The following CHCHD3 variants were observed in gnomAD, a reference collection of about 807,000 sequenced individuals.
CHCHD3 encodes coiled-coil-helix-coiled-coil-helix domain containing 3, also known as MICOS complex subunit MIC19.
CHCHD3 carries 20 observed loss-of-function variants against 38.2 expected under a neutral mutation model. That is an observed-to-expected ratio of 0.52 (90% CI 0.37 to 0.76). The LOEUF (loss-of-function observed/expected upper bound fraction) is 0.76. Among genes scored for constraint, CHCHD3 ranks in the 30% least tolerant of loss-of-function variants. The probability of loss-of-function intolerance (pLI) is 0.00; values close to 1 mark genes in which losing one functional copy is unlikely to be tolerated. For synonymous variants in CHCHD3, 82 were observed against 100.0 expected (o/e 0.82, Z 1.07); for missense variants, 245 against 279.2 (o/e 0.88, Z 0.87).
At chr7:132,953,326 T>G (rs1247887846) in intron 4 of CHCHD3, among the ~76,000 whole-genome samples, 1 of 152,104 alleles carries the variant, frequency 6.6e-6, no homozygotes, top group Non-Finnish European at 1.5e-5. Context: ...GGAGGCTCTA[T>G]TTCTCCCCAC....
intron 3 of CHCHD3, among the ~76,000 whole-genome samples, chr7:133,004,129 G>C (rs1175837735): frequency 1.3e-5 from 2 of 151,780 alleles, no homozygotes; most frequent in African/African-American, 4.8e-5. Flanking sequence ...TTTTGTTTTT[G>C]TTTTTGTTTT....
intron 6 of CHCHD3, among the ~76,000 whole-genome samples, chr7:132,824,266 G>C (rs919043219): frequency 3.3e-5 from 5 of 151,314 alleles, no homozygotes; most frequent in Non-Finnish European, 7.4e-5. Context: ...GACAATTATG[G>C]GGACCAGGGA....
intron 5 of CHCHD3, among the ~76,000 whole-genome samples, chr7:132,874,373 A>G (rs1413765982): frequency 6.6e-6 from 1 of 152,202 alleles, no homozygotes; most frequent in Non-Finnish European, 1.5e-5. Flanking sequence ...CTGCTTCCTC[A>G]CAAAAGAATA....
intron 1 of CHCHD3, among the ~76,000 whole-genome samples, chr7:133,078,961 T>C (rs1161902396): frequency 1.3e-5 from 2 of 152,198 alleles, no homozygotes; most frequent in Non-Finnish European, 2.9e-5. Context: ...CAATGGCTTA[T>C]GGACATACTG....
At position 133,081,920 on chromosome 7, in the gene CHCHD3, G is replaced by A. The variant is rs1039681130; in HGVS notation, c.18C>T (p.Ser6=). 9 of 1,555,906 alleles carry A rather than the reference G, an allele frequency of 5.8e-6. No homozygotes were observed. The highest frequency in any genetic ancestry group is 7.8e-6 in the Non-Finnish European group (9 of 1,149,832). The change falls in exon 1 of 8, where the codon AGC becomes AGT. Residue 6 remains serine, a synonymous_variant. Coordinates refer to ENST00000262570, the MANE Select transcript of CHCHD3 (RefSeq NM_017812.4). MGGTT[S]TRRVTFEADE... Reference sequence around the variant, plus strand: ...CCGCCTCGAAGGTGACCCGGCGGGTGCTGGTGGTCCCACCCATGATTCCGG... The same window carrying A: ...CCGCCTCGAAGGTGACCCGGCGGGTACTGGTGGTCCCACCCATGATTCCGG...
At chr7:132,863,808 T>C (rs1252031481) in intron 5 of CHCHD3, among the ~76,000 whole-genome samples, 1 of 152,210 alleles carries the variant, frequency 6.6e-6, no homozygotes, top group African/African-American at 2.4e-5. Flanking sequence ...ATGGCTGCTT[T>C]CCATAAACCT....
At chr7:132,800,994 C>G (rs541798308) in intron 6 of CHCHD3, among the ~76,000 whole-genome samples, 1 of 152,254 alleles carries the variant, frequency 6.6e-6, no homozygotes, top group South Asian at 2.1e-4. Context: ...TCCTATAGCA[C>G]AATGCAAAAA....
At chr7:132,895,545 C>T (rs1809472624) in intron 4 of CHCHD3, among the ~76,000 whole-genome samples, 1 of 152,342 alleles carries the variant, frequency 6.6e-6, no homozygotes, top group Non-Finnish European at 1.5e-5. Flanking sequence ...AATTGTAGCT[C>T]CCCTAATTCC....
intron 4 of CHCHD3, among the ~76,000 whole-genome samples, chr7:132,961,815 T>C (rs1434674443): frequency 2.6e-5 from 4 of 152,230 alleles, no homozygotes; most frequent in African/African-American, 9.6e-5. Context: ...GGCAACCACC[T>C]TTCTATTCTT....
intron 3 of CHCHD3, among the ~76,000 whole-genome samples, chr7:133,015,827 C>T (rs1813013822): frequency 6.6e-6 from 1 of 152,158 alleles, no homozygotes; most frequent in South Asian, 2.1e-4. Flanking sequence ...GCTCACGGTT[C>T]TACAGGCTGT....
At chr7:132,917,973 G>A (rs1471191286) in intron 4 of CHCHD3, among the ~76,000 whole-genome samples, 1 of 151,826 alleles carries the variant, frequency 6.6e-6, no homozygotes, top group Non-Finnish European at 1.5e-5. Flanking sequence ...AGGTATGTGA[G>A]CAAACAAAAG....
intron 3 of CHCHD3, among the ~76,000 whole-genome samples, chr7:132,999,333 T>C (rs1584632635): frequency 6.6e-6 from 1 of 152,222 alleles, no homozygotes; most frequent in Non-Finnish European, 1.5e-5. Context: ...ACACTCTATG[T>C]CAAATGATTA....
At chr7:132,990,791 A>G (rs955896987) in intron 3 of CHCHD3, among the ~76,000 whole-genome samples, 1 of 152,152 alleles carries the variant, frequency 6.6e-6, no homozygotes, top group African/African-American at 2.4e-5. Context: ...AGCCCTATGG[A>G]GGAAAACAAT....
chr7:132,959,633 G>A (rs926607709), intron 4 of CHCHD3, among the ~76,000 whole-genome samples: 1 of 147,164 alleles, frequency 6.8e-6, no homozygotes, highest in Admixed American at 7.0e-5. Context: ...TGAGGTGGGA[G>A]AATCACTTGA....
At chr7:132,985,278 G>A (rs1276195768) in intron 3 of CHCHD3, among the ~76,000 whole-genome samples, 5 of 69,176 alleles carry the variant, frequency 7.2e-5, no homozygotes, top group South Asian at 9.6e-4. Flanking sequence ...CCGGCCAGCC[G>A]CCCCGTCCGG....
At chr7:132,961,598 C>T (rs555412642) in intron 4 of CHCHD3, among the ~76,000 whole-genome samples, 7 of 152,316 alleles carry the variant, frequency 4.6e-5, no homozygotes, top group Admixed American at 2.0e-4. Context: ...TGCGTGTGCT[C>T]GCACACAATG....
At chr7:132,890,585 T>G (rs1263794820) in intron 4 of CHCHD3, among the ~76,000 whole-genome samples, 1 of 152,198 alleles carries the variant, frequency 6.6e-6, no homozygotes, top group Non-Finnish European at 1.5e-5. Context: ...CAAGGTTCTG[T>G]GCTATGGGCA....
intron 6 of CHCHD3, 124 bp downstream of exon 6, chr7:132,838,275 C>A: frequency 1.7e-6 from 1 of 602,590 alleles, no homozygotes; most frequent in Non-Finnish European, 2.9e-6. Context: ...TCTCAACCAC[C>A]CCAAAACTCT....
chr7:132,896,394 T>C (rs151045433), intron 4 of CHCHD3, among the ~76,000 whole-genome samples: 3 of 152,326 alleles, frequency 2.0e-5, no homozygotes, highest in East Asian at 3.9e-4. Context: ...ATATTTTATA[T>C]ATAATTCCTG....
Sources: allele counts gnomAD v4.1 joint callset (sites outside exome capture counted in the v4.1 genomes callset), GRCh38; gene constraint gnomAD v4.1.1; transcripts MANE v1.5; gene names NCBI Gene and HGNC (gene_info 2026-07-23, HGNC 2026-07-21).